Variants in MAP3K2 observed in about 807,000 individuals in gnomAD.
The protein encoded by MAP3K2 is MAP/ERK kinase kinase 2.
MAP3K2 carries 24 observed loss-of-function variants against 80.3 expected under a neutral mutation model. The ratio of observed to expected loss-of-function variants is 0.30; its 90% confidence interval spans 0.22 to 0.42. The LOEUF (loss-of-function observed/expected upper bound fraction) is 0.42, where lower values mean the gene tolerates loss of function less well. MAP3K2 is among the 10% of genes least tolerant of loss of function. The pLI is 1.00. For synonymous variants in MAP3K2, 244 were observed against 253.7 expected, an observed-to-expected ratio of 0.96 and a Z score of 0.36; for missense variants, 608 against 750.1, an observed-to-expected ratio of 0.81 and a Z score of 2.21.
intron 7 of MAP3K2, among the ~76,000 whole-genome samples, chr2:127,327,640 G>A (rs763756950): frequency 1.3e-5 from 2 of 150,678 alleles, no homozygotes; most frequent in African/African-American, 2.4e-5. Flanking sequence ...GTATGCCAAC[G>A]CACTCTTGGT....
At chr2:127,386,905 C>CA (rs1176090748) in intron 1 of MAP3K2, among the ~76,000 whole-genome samples, 1 of 152,118 alleles carries the variant, frequency 6.6e-6, no homozygotes, top group Non-Finnish European at 1.5e-5. Context: ...TGACCTTGGA[C>CA]AAATGCCTTA....
At position 127,308,632 on chromosome 2, in the gene MAP3K2, G is replaced by A. The variant is rs1558972133; in HGVS notation, c.1587C>T (p.Ser529=). Reference sequence around the variant, plus strand: ...AGCCTTCTCCACTGATGACTTCAGGGCTCATCCAGTATGGTGTGCCCGTGA... The same window carrying A: ...AGCCTTCTCCACTGATGACTTCAGGACTCATCCAGTATGGTGTGCCCGTGA... ...KSVTGTPYWM[S]PEVISGEGYG... is the part of the protein sequence containing the mutation. The change falls in exon 16 of 17, where the codon AGC becomes AGT. Residue 529 remains serine, a synonymous_variant. Transcript: ENST00000682094. 5.0e-6 allele frequency: 8 copies of A among 1,612,890 alleles called. No individual in the cohort carries two copies. Among genetic ancestry groups the A allele is most frequent in the Non-Finnish European group, 6.8e-6 (8 of 1,179,256 alleles).
intron 1 of MAP3K2, among the ~76,000 whole-genome samples, chr2:127,350,995 G>C (rs758247153): frequency 6.6e-6 from 1 of 152,092 alleles, no homozygotes; most frequent in Admixed American, 6.5e-5. Flanking sequence ...TGATTCATAG[G>C]GAAGCATTAG....
intron 1 of MAP3K2, chr2:127,378,018 C>T (rs1687179107): frequency 4.6e-6 from 1 of 216,400 alleles, no homozygotes. Context: ...AACTGTGAGA[C>T]AAAAAATATT....
rs1036984757 is a variant in MAP3K2 at position 127,305,304 on chromosome 2, T to C, written c.*2275A>G. ...TCATTCATAAAAGATAAAGAAATTA[T>C]AATAGATCCACACACTTGGGGATTC... On this transcript the variant is annotated 3_prime_UTR_variant, in exon 17 of 17. Coordinates refer to ENST00000682094, the MANE Select transcript of MAP3K2 (RefSeq NM_001371910.2). 5 of 152,180 alleles carry C rather than the reference T, an allele frequency of 3.3e-5. No homozygotes were observed. Among genetic ancestry groups the C allele is most frequent in the Non-Finnish European group, 7.4e-5 (5 of 67,956 alleles). The allele number at this position is 152,180 out of a possible 1,614,324, so 9.4% of individuals were successfully genotyped here.
Position 127,339,041 on chromosome 2 carries a change from T to C in MAP3K2, c.14A>G (p.Gln5Arg), listed in dbSNP as rs1686427235. Residue 5 changes from glutamine (Q) to arginine (R), a missense_variant, in exon 3 of 17, where the codon CAA (glutamine) becomes CGA (arginine). Physicochemically the swap from Gln to Arg is conservative, Grantham distance 43. Transcript: ENST00000682094. This position sits in a 1 kb window ranked among gnomAD's most constrained non-coding sequence, Gnocchi z 4.2. ...ATCTTGCATGATTGAGTTCAAAGCT[T>C]GCTGATCATCTAGGTAGTTTTGAAA... MDDQ[Q>R]ALNSIMQDLA... 1 of 1,606,488 alleles carries C rather than the reference T, an allele frequency of 6.2e-7. No individual in the cohort carries two copies.
At chr2:127,354,931 A>G (rs890502636) in intron 1 of MAP3K2, among the ~76,000 whole-genome samples, 1 of 152,144 alleles carries the variant, frequency 6.6e-6, no homozygotes, top group African/African-American at 2.4e-5. Context: ...GCCTAAGATG[A>G]AAATTACACT....
At chr2:127,342,632 CTGGAACCCTTAA>C (rs958029215) in intron 2 of MAP3K2, among the ~76,000 whole-genome samples, 1 of 151,870 alleles carries the variant, frequency 6.6e-6, no homozygotes, top group African/African-American at 2.4e-5. Flanking sequence ...CTGCCTCATG[CTGGAACCCTTAA>C]CACAAAGGAG....
chr2:127,300,757 G>A lies in MAP3K2; in HGVS notation c.*6822C>T, dbSNP rs960983497. On this transcript the variant is annotated 3_prime_UTR_variant, in exon 17 of 17. Transcript: ENST00000682094. ...TACTTTCAATTGAATAGGGTGTATTGCAAGAATTTGGCCCACTTCATATTG... is the reference window on the plus strand; with the variant it reads ...TACTTTCAATTGAATAGGGTGTATTACAAGAATTTGGCCCACTTCATATTG... The A allele has an allele frequency of 6.6e-6, 1 of 152,150 alleles. No individual in the cohort carries two copies. The highest frequency in any genetic ancestry group is 2.4e-5 in the African/African-American group (1 of 41,434). 9.4% of individuals were successfully genotyped at this position (152,150 alleles called of 1,614,324 possible).
At position 127,341,051 on chromosome 2, in the gene MAP3K2, G is replaced by A. The variant is rs1019822285; in HGVS notation, c.5-2001C>T. 2.6e-5 allele frequency among the ~76,000 whole-genome samples: 4 copies of A among 151,934 alleles called. No individual in the cohort carries two copies. In the East Asian group the frequency reaches 5.8e-4, roughly 22 times the overall value. On this transcript the variant is annotated intron_variant, in intron 2 of 16. Coordinates refer to ENST00000682094, the MANE Select transcript of MAP3K2 (RefSeq NM_001371910.2). ...ATTGCCCAGGATGGAGTGCAGTGGC[G>A]CCATCTCGGCTCACTGCAAGCTCCA...
At chr2:127,331,945 T>A (rs1276518560) in intron 5 of MAP3K2, among the ~76,000 whole-genome samples, 1 of 152,220 alleles carries the variant, frequency 6.6e-6, no homozygotes, top group Non-Finnish European at 1.5e-5. Context: ...CAAACACGAA[T>A]ATAAAGAAGG....
At chr2:127,386,099 TTTC>T (rs1226635213) in intron 1 of MAP3K2, among the ~76,000 whole-genome samples, 1 of 152,174 alleles carries the variant, frequency 6.6e-6, no homozygotes, top group African/African-American at 2.4e-5. Flanking sequence ...GACCACAAAT[TTTC>T]TTCAACTTGA....
At chr2:127,372,685 A>C (rs547611208) in intron 1 of MAP3K2, among the ~76,000 whole-genome samples, 1 of 152,248 alleles carries the variant, frequency 6.6e-6, no homozygotes, top group African/African-American at 2.4e-5. Flanking sequence ...ACCTCTTTCT[A>C]ATAATGGCCA....
At chr2:127,326,541 T>C (rs549263139) in intron 8 of MAP3K2, 146 bp downstream of exon 8, 5 of 495,362 alleles carry the variant, frequency 1.0e-5, no homozygotes, top group African/African-American at 9.9e-5. Flanking sequence ...ATGGGCATTT[T>C]CCTATATTTT....
intron 4 of MAP3K2, among the ~76,000 whole-genome samples, chr2:127,337,489 G>A (rs949174847): frequency 2.0e-5 from 3 of 152,178 alleles, no homozygotes; most frequent in Admixed American, 1.3e-4. Context: ...TGTAAAGGCT[G>A]TATTAAACAG....
intron 1 of MAP3K2, among the ~76,000 whole-genome samples, chr2:127,365,115 T>TAAAAA (rs1686948500): frequency 4.3e-5 from 1 of 23,366 alleles, no homozygotes; most frequent in Non-Finnish European, 7.7e-5. Flanking sequence ...AGACTCTGCC[T>TAAAAA]CAAAAAAAAA....
intron 1 of MAP3K2, among the ~76,000 whole-genome samples, chr2:127,379,738 T>G (rs1206321451): frequency 6.6e-6 from 1 of 152,174 alleles, no homozygotes; most frequent in African/African-American, 2.4e-5. Context: ...AATTTTCTCA[T>G]TGCCCTGATA....
At position 127,342,391 on chromosome 2, in the gene MAP3K2, GTGTGTGT is replaced by G. The variant is rs1558982395; in HGVS notation, c.4+728_4+734del. Among the ~76,000 whole-genome samples the G allele has an allele frequency of 7.1e-3, 587 of 82,160 alleles. 3 individuals are homozygous for G. The highest frequency in any genetic ancestry group is 0.029 in the Middle Eastern group (4 of 138). The allele number at this position is 82,160 out of a possible 152,430, so 53.9% of individuals were successfully genotyped here. On this transcript the variant is annotated intron_variant, in intron 2 of 16. Transcript: ENST00000682094. ...GCAAATATAAGTTCTTCATGAGGGT[GTGTGTGT>G]GTGTGTGTGTGTGTGTGTGTGTGTA...
intron 3 of MAP3K2, 128 bp from the exon 4 acceptor site, chr2:127,337,906 G>C: frequency 1.9e-6 from 1 of 538,128 alleles, no homozygotes; most frequent in Non-Finnish European, 3.2e-6. Flanking sequence ...GACGAGGAGG[G>C]AATTTTGAAG....
Sources: allele counts gnomAD v4.1 joint callset (sites outside exome capture counted in the v4.1 genomes callset), GRCh38; gene constraint gnomAD v4.1.1; non-coding constraint Gnocchi (gnomAD v3.1); transcripts MANE v1.5; gene names NCBI Gene and HGNC (gene_info 2026-07-23, HGNC 2026-07-21).